Variants in AOX1 observed in about 807,000 individuals in gnomAD.
The protein encoded by AOX1 is aldehyde oxidase 1.
AOX1 carries 153 observed loss-of-function variants against 169.5 expected under a neutral mutation model. That is an observed-to-expected ratio of 0.90 (90% CI 0.79 to 1.03). The LOEUF (loss-of-function observed/expected upper bound fraction) is 1.03, where lower values mean the gene tolerates loss of function less well. AOX1 is among the 50% of genes least tolerant of loss of function. The pLI is 0.00. For missense variants in AOX1, 1,656 were observed against 1,663.9 expected (o/e 1.00, Z 0.08); for synonymous variants, 562 against 581.9 (o/e 0.97, Z 0.49).
downstream of AOX1, among the ~76,000 whole-genome samples, chr2:200,673,651 A>ACACATG (rs747956124): frequency 3.3e-5 from 5 of 152,230 alleles, no homozygotes; most frequent in Admixed American, 6.5e-5. Context: ...GTGGGCACAC[A>ACACATG]CACATGCACA....
chr2:200,659,404 C>A, intron 28 of AOX1, 111 bp downstream of exon 28: 1 of 1,244,910 alleles, frequency 8.0e-7, no homozygotes, highest in Non-Finnish European at 1.1e-6. Context: ...TCTCCTTCCC[C>A]ATCTTGCCCT....
At chr2:200,592,911 C>A (rs553244471) in intron 1 of AOX1, among the ~76,000 whole-genome samples, 2 of 152,244 alleles carry the variant, frequency 1.3e-5, no homozygotes, top group African/African-American at 4.8e-5. Context: ...CAACAATTGC[C>A]TTAGAGAACA....
intron 5 of AOX1, among the ~76,000 whole-genome samples, chr2:200,600,863 C>T (rs1181567904): frequency 6.6e-6 from 1 of 152,040 alleles, no homozygotes; most frequent in African/African-American, 2.4e-5. Flanking sequence ...CTGGGACCCA[C>T]CCCTAGAGAG....
intron 2 of AOX1, among the ~76,000 whole-genome samples, chr2:200,594,982 C>T (rs1448950265): frequency 6.6e-6 from 1 of 152,152 alleles, no homozygotes; most frequent in African/African-American, 2.4e-5. Flanking sequence ...TACTCAAGTG[C>T]TTACACATAT....
chr2:200,617,301 G>A (rs999392466), intron 16 of AOX1, among the ~76,000 whole-genome samples: 7 of 151,994 alleles, frequency 4.6e-5, no homozygotes, highest in African/African-American at 1.2e-4. Flanking sequence ...CAGCACTCAC[G>A]AAGAGCATTT....
intron 18 of AOX1, among the ~76,000 whole-genome samples, chr2:200,623,447 C>G (rs1182723352): frequency 6.6e-6 from 1 of 152,252 alleles, no homozygotes; most frequent in East Asian, 1.9e-4. Context: ...AGGTCATCCC[C>G]TTTTTCTCTC....
intron 26 of AOX1, among the ~76,000 whole-genome samples, chr2:200,653,033 C>T (rs2035612418): frequency 6.6e-6 from 1 of 152,238 alleles, no homozygotes; most frequent in Admixed American, 6.5e-5. Context: ...AAAATCTAGG[C>T]TTAGAAGGTT....
At chr2:200,648,312 T>C (rs2035505255) in intron 25 of AOX1, among the ~76,000 whole-genome samples, 1 of 152,232 alleles carries the variant, frequency 6.6e-6, no homozygotes, top group Admixed American at 6.5e-5. Context: ...CCCCTTTCCC[T>C]ATGGATGTGG....
rs779807420 is a variant in AOX1 at position 200,604,822 on chromosome 2, A to G, written c.796A>G (p.Met266Val). ...KFKYPQAPVI[M>V]GNTSVGPEVK... Reference sequence around the variant, plus strand: ...CAAGTATCCCCAGGCTCCTGTTATCATGGGAAACACCTCTGTGGGTATGTA... The same window carrying G: ...CAAGTATCCCCAGGCTCCTGTTATCGTGGGAAACACCTCTGTGGGTATGTA... Residue 266 changes from methionine (M) to valine (V), a missense_variant, in exon 9 of 35, where the codon ATG (methionine) becomes GTG (valine). Transcript: ENST00000374700. 2 of 1,445,946 alleles carry G rather than the reference A, an allele frequency of 1.4e-6. No individual in the cohort carries two copies. Among genetic ancestry groups the G allele is most frequent in the East Asian group, 3.3e-5 (1 of 30,642 alleles). The allele number at this position is 1,445,946 out of a possible 1,614,324, so 89.6% of individuals were successfully genotyped here.
intron 7 of AOX1, 30 bp from the exon 8 acceptor site, chr2:200,603,987 A>G: frequency 1.4e-6 from 2 of 1,445,208 alleles, no homozygotes; most frequent in Non-Finnish European, 1.9e-6. Context: ...TTGCTCGATA[A>G]CAGTAATTTC....
chr2:200,599,006 C>T (rs900399741), intron 4 of AOX1, among the ~76,000 whole-genome samples: 2 of 152,114 alleles, frequency 1.3e-5, no homozygotes, highest in Non-Finnish European at 2.9e-5. Flanking sequence ...CATACACAGG[C>T]ATACAATACC....
At chr2:200,632,262 G>T (rs2035142209) in intron 20 of AOX1, among the ~76,000 whole-genome samples, 4 of 151,172 alleles carry the variant, frequency 2.6e-5, no homozygotes, top group South Asian at 2.1e-4. Flanking sequence ...TCCTTGTACA[G>T]ATTTTTTTTA....
intron 25 of AOX1, among the ~76,000 whole-genome samples, chr2:200,643,540 G>A (rs953977330): frequency 1.3e-5 from 2 of 151,938 alleles, no homozygotes; most frequent in Non-Finnish European, 1.5e-5. Context: ...TATCTTTTTC[G>A]AATAACAACT....
In AOX1 at chr2:200,642,668, G is replaced by C. The variant is rs1358663037; in HGVS notation, c.2714G>C (p.Cys905Ser). The C allele has an allele frequency of 6.2e-7, 1 of 1,614,036 alleles. No homozygotes were observed. The highest frequency in any genetic ancestry group is 8.5e-7 in the Non-Finnish European group (1 of 1,180,028). Reference protein sequence around the residue: ...DNAYKFPNLRCRGWACRTNLP... With the variant: ...DNAYKFPNLRSRGWACRTNLP... ...GCTTACAAGTTTCCCAATCTCCGCTGCCGGGGTTGGGCATGCAGAACCAAC... is the reference window on the plus strand; with the variant it reads ...GCTTACAAGTTTCCCAATCTCCGCTCCCGGGGTTGGGCATGCAGAACCAAC... The change falls in exon 25 of 35, where the codon TGC (cysteine) becomes TCC (serine). Residue 905 changes from cysteine (C) to serine (S), a missense_variant. Physicochemically the swap from Cys to Ser is moderately radical, Grantham distance 112. Transcript: ENST00000374700.
chr2:200,600,838 G>A (rs1048308806), intron 5 of AOX1, among the ~76,000 whole-genome samples: 2 of 152,066 alleles, frequency 1.3e-5, no homozygotes, highest in African/African-American at 2.4e-5. Flanking sequence ...GGGAATTTGT[G>A]GGTAATGAAG....
intron 33 of AOX1, 79 bp downstream of exon 33, chr2:200,668,882 G>A: frequency 7.9e-7 from 1 of 1,266,364 alleles, no homozygotes; most frequent in African/African-American, 1.5e-5. Flanking sequence ...TCCTCTCTTG[G>A]CTGTTTGGGA....
chr2:200,632,952 A>C (rs550388353), intron 20 of AOX1, among the ~76,000 whole-genome samples: 8 of 144,828 alleles, frequency 5.5e-5, no homozygotes, highest in Admixed American at 5.0e-4. Context: ...GCTGGAGTGC[A>C]GTGGTGTGAT....
At chr2:200,671,733 T>C (rs1419641893), downstream of AOX1, among the ~76,000 whole-genome samples, 1 of 151,902 alleles carries the variant, frequency 6.6e-6, no homozygotes, top group Non-Finnish European at 1.5e-5. Flanking sequence ...GTAGATACTG[T>C]GGAAAATAGT....
downstream of AOX1, among the ~76,000 whole-genome samples, chr2:200,677,873 T>A (rs2036120757): frequency 6.6e-6 from 1 of 152,220 alleles, no homozygotes; most frequent in Non-Finnish European, 1.5e-5. Flanking sequence ...CCGCCCTGCA[T>A]GTCGCACACT....
Sources: gnomAD v4.1 joint callset for allele counts (sites outside exome capture counted in the v4.1 genomes callset) on GRCh38, gnomAD v4.1.1 for gene constraint, MANE v1.5 for transcripts, NCBI Gene and HGNC (gene_info 2026-07-23, HGNC 2026-07-21) for gene names.